SMIM14: variants seen among roughly 807,000 people sequenced by gnomAD.
SMIM14 encodes the protein chromosome 4 open reading frame 34.
In SMIM14, 5 loss-of-function variants were observed where a neutral mutation model predicts 12.6. The observed-to-expected ratio is 0.40, with a 90% CI of 0.21 to 0.83. The LOEUF (loss-of-function observed/expected upper bound fraction) is 0.83, where lower values mean the gene tolerates loss of function less well. Among genes scored for constraint, SMIM14 ranks in the 40% least tolerant of loss-of-function variants. The pLI, the probability that SMIM14 is intolerant of heterozygous loss-of-function variation, is 0.37. For missense variants in SMIM14, 86 were observed against 119.1 expected (o/e 0.72, Z 1.29); for synonymous variants, 30 against 40.1 (o/e 0.75, Z 0.95).
intron 1 of SMIM14, among the ~76,000 whole-genome samples, chr4:39,614,976 G>A (rs537988894): frequency 1.1e-3 from 172 of 152,340 alleles, no homozygotes; most frequent in African/African-American, 3.9e-3. Context: ...TATATGTGGT[G>A]AGGGAATTTT....
intron 4 of SMIM14, among the ~76,000 whole-genome samples, chr4:39,555,941 T>C (rs945276714): frequency 7.2e-5 from 11 of 152,136 alleles, no homozygotes; most frequent in Admixed American, 6.6e-5. Context: ...TGGATTATTT[T>C]TGATGCTTCT....
chr4:39,630,368 T>C (rs1715854740), intron 1 of SMIM14, among the ~76,000 whole-genome samples: 1 of 152,194 alleles, frequency 6.6e-6, no homozygotes, highest in African/African-American at 2.4e-5. Flanking sequence ...ATCACACCAC[T>C]GCACTCCAAC....
At chr4:39,629,360 CAAAA>C (rs11459763) in intron 1 of SMIM14, among the ~76,000 whole-genome samples, 1 of 80,486 alleles carries the variant, frequency 1.2e-5, no homozygotes, top group African/African-American at 4.9e-5. Context: ...GACTCTGTCT[CAAAA>C]AAAAAAAAAA....
chr4:39,566,978 A>C (rs1405721714), intron 3 of SMIM14, among the ~76,000 whole-genome samples: 2 of 151,444 alleles, frequency 1.3e-5, no homozygotes, highest in South Asian at 2.1e-4. Flanking sequence ...AAAAAACAAA[A>C]AACAAAAATT....
At chr4:39,621,186 T>A (rs1715471741) in intron 1 of SMIM14, 1 of 152,004 alleles carries the variant, frequency 6.6e-6, no homozygotes, top group South Asian at 2.1e-4. Context: ...AAGGACCCCC[T>A]ACAGATACAT....
At chr4:39,632,588 G>A (rs1428304973) in intron 1 of SMIM14, among the ~76,000 whole-genome samples, 1 of 151,720 alleles carries the variant, frequency 6.6e-6, no homozygotes, top group African/African-American at 2.4e-5. Context: ...GAGCTCAGGA[G>A]TTCGAGACCA....
intron 2 of SMIM14, among the ~76,000 whole-genome samples, chr4:39,576,644 A>G (rs111636947): frequency 0.014 from 1,357 of 96,796 alleles, 19 homozygotes; most frequent in Non-Finnish European, 0.02. Context: ...ACTTATACCT[A>G]TGTGTGTGTG....
At chr4:39,609,717 A>G (rs1053346169) in intron 1 of SMIM14, among the ~76,000 whole-genome samples, 4 of 152,158 alleles carry the variant, frequency 2.6e-5, no homozygotes, top group African/African-American at 7.2e-5. Flanking sequence ...GTGAAGAACA[A>G]TGTGAAGCAA....
chr4:39,604,676 T>G (rs1189504001), intron 2 of SMIM14, among the ~76,000 whole-genome samples: 1 of 151,820 alleles, frequency 6.6e-6, no homozygotes, highest in Non-Finnish European at 1.5e-5. Flanking sequence ...AGTGGCATGA[T>G]CTCGGCTCAC....
At chr4:39,590,722 A>G (rs1244491409) in intron 2 of SMIM14, among the ~76,000 whole-genome samples, 3 of 151,734 alleles carry the variant, frequency 2.0e-5, no homozygotes, top group Non-Finnish European at 4.4e-5. Flanking sequence ...GAATTGCTTG[A>G]ACCCAGGAGG....
chr4:39,617,105 G>A (rs547581226), intron 1 of SMIM14, among the ~76,000 whole-genome samples: 45 of 152,202 alleles, frequency 3.0e-4, no homozygotes, highest in Non-Finnish European at 5.7e-4. Context: ...ACATATGAAT[G>A]TGTAAATATT....
intron 1 of SMIM14, among the ~76,000 whole-genome samples, chr4:39,623,420 A>T (rs1278486785): frequency 2.0e-5 from 3 of 152,238 alleles, no homozygotes; most frequent in African/African-American, 7.2e-5. Flanking sequence ...CTTCCTGAGA[A>T]GGCAGGGATA....
At chr4:39,601,679 G>A (rs1387340187) in intron 2 of SMIM14, among the ~76,000 whole-genome samples, 1 of 152,190 alleles carries the variant, frequency 6.6e-6, no homozygotes, top group Non-Finnish European at 1.5e-5. Flanking sequence ...GGGTGCAGTG[G>A]CTCATGCCTA....
intron 2 of SMIM14, chr4:39,593,793 C>T (rs1442663515): frequency 6.6e-6 from 1 of 152,024 alleles, no homozygotes; most frequent in Non-Finnish European, 1.5e-5. Context: ...GAGTGAACTC[C>T]CATTCACAGT....
At chr4:39,611,033 G>T (rs1424968514) in intron 1 of SMIM14, among the ~76,000 whole-genome samples, 2 of 152,066 alleles carry the variant, frequency 1.3e-5, no homozygotes, top group Non-Finnish European at 2.9e-5. Context: ...AAAACCATGT[G>T]CAATATCAGG....
At chr4:39,566,839 C>T (rs1437064247) in intron 3 of SMIM14, among the ~76,000 whole-genome samples, 3 of 152,056 alleles carry the variant, frequency 2.0e-5, no homozygotes, top group Non-Finnish European at 4.4e-5. Context: ...TGGTGGCGTG[C>T]ACCTGTAGTC....
In SMIM14 at chr4:39,558,999, C is replaced by T. The variant is rs1028501285; in HGVS notation, c.125-2429G>A. 6.6e-6 allele frequency among the ~76,000 whole-genome samples: 1 copy of T among 152,166 alleles called. No individual in the cohort carries two copies. Among genetic ancestry groups the T allele is most frequent in the Non-Finnish European group, 1.5e-5 (1 of 68,034 alleles). On this transcript the variant is annotated intron_variant, in intron 3 of 4. Coordinates refer to ENST00000295958, the MANE Select transcript of SMIM14 (RefSeq NM_174921.3). The surrounding 1 kb of genome is among the most constrained non-coding windows in gnomAD (Gnocchi z 4.3). ...CTGGGATTACAGGCATGAGCCACCGCGCCTGGCTGCAGTTTCTTATAAAAG... is the reference window on the plus strand; with the variant it reads ...CTGGGATTACAGGCATGAGCCACCGTGCCTGGCTGCAGTTTCTTATAAAAG...
rs1319171915 is a variant in SMIM14 at position 39,546,506 on chromosome 4, G to C, written c.*5620C>G. On this transcript the variant is annotated 3_prime_UTR_variant, in exon 5 of 5. Coordinates refer to ENST00000295958, the MANE Select transcript of SMIM14 (RefSeq NM_174921.3). ...TGGTGTTTATGGAGCATCTTTTGGA[G>C]GGGGGGGAACCCCCAACAACTCTAC... The C allele has an allele frequency of 6.8e-6, 1 of 148,120 alleles. No homozygotes were observed. Among genetic ancestry groups the C allele is most frequent in the Non-Finnish European group, 1.5e-5 (1 of 67,904 alleles). 9.2% of individuals were successfully genotyped at this position (148,120 alleles called of 1,614,324 possible).
At chr4:39,623,104 CACATCTAA>C (rs1462831169) in intron 1 of SMIM14, among the ~76,000 whole-genome samples, 2 of 152,146 alleles carry the variant, frequency 1.3e-5, no homozygotes, top group Non-Finnish European at 2.9e-5. Context: ...TGTCAACGAT[CACATCTAA>C]AAAGAGTCTT....
Sources: allele counts gnomAD v4.1 joint callset (sites outside exome capture counted in the v4.1 genomes callset), GRCh38; gene constraint gnomAD v4.1.1; non-coding constraint Gnocchi (gnomAD v3.1); transcripts MANE v1.5; gene names NCBI Gene and HGNC (gene_info 2026-07-23, HGNC 2026-07-21).